The following MESD variants were observed in gnomAD, a reference collection of about 807,000 sequenced individuals.
MESD encodes LRP chaperone MESD.
A neutral mutation model predicts 12.9 loss-of-function variants in MESD; 7 were observed. The observed-to-expected ratio is 0.54, with a 90% CI of 0.31 to 1.02. The LOEUF (loss-of-function observed/expected upper bound fraction) is 1.02. Among genes scored for constraint, MESD ranks in the 50% least tolerant of loss-of-function variants. The pLI, the probability that MESD is intolerant of heterozygous loss-of-function variation, is 0.05. For missense variants in MESD, 342 were observed against 296.7 expected (o/e 1.15, Z -1.12); for synonymous variants, 126 against 115.6 (o/e 1.09, Z -0.58).
chr15:80,979,936 T>G (rs954910645), intron 2 of MESD, among the ~76,000 whole-genome samples: 3 of 152,214 alleles, frequency 2.0e-5, no homozygotes, highest in Admixed American at 6.5e-5. Context: ...GATAAGAGGC[T>G]ATGAAGGACT....
At chr15:80,947,263 G>A, downstream of MESD, 1 of 533,748 alleles carries the variant, frequency 1.9e-6, no homozygotes. Context: ...CCCCTGCACT[G>A]CAGCAAATTT....
intron 3 of MESD, among the ~76,000 whole-genome samples, chr15:80,958,640 T>C (rs1410946406): frequency 2.8e-5 from 4 of 144,206 alleles, no homozygotes; most frequent in African/African-American, 1.2e-4. Context: ...GCCTTAGGCA[T>C]TTTTTTTTCA....
chr15:80,967,751 T>C (rs78138185), intron 3 of MESD, among the ~76,000 whole-genome samples: 8,918 of 152,302 alleles, frequency 0.059, 335 homozygotes, highest in Middle Eastern at 0.18. Context: ...GGGCTTCCAA[T>C]TCATCAGCTT....
chr15:80,959,929 T>A (rs577295298), intron 3 of MESD, among the ~76,000 whole-genome samples: 66 of 152,284 alleles, frequency 4.3e-4, no homozygotes, highest in African/African-American at 1.5e-3. Context: ...ATAGTGTAAA[T>A]TCTCCCATCA....
chr15:80,949,039 C>T (rs1263568925), intron 4 of MESD: 7 of 1,403,246 alleles, frequency 5.0e-6, no homozygotes, highest in Admixed American at 1.7e-5. Context: ...CTGGGAAGGC[C>T]GTGTTTCAGC....
chr15:80,969,803 C>A (rs1902248533), intron 3 of MESD, among the ~76,000 whole-genome samples: 1 of 152,094 alleles, frequency 6.6e-6, no homozygotes, highest in Non-Finnish European at 1.5e-5. Flanking sequence ...TGCAGTGAGC[C>A]GAGATGGCGC....
chr15:80,979,847 A>G (rs1423659194), intron 2 of MESD, among the ~76,000 whole-genome samples: 1 of 152,242 alleles, frequency 6.6e-6, no homozygotes, highest in East Asian at 1.9e-4. Flanking sequence ...TTTATATTCT[A>G]GAGTGTCCAG....
intron 3 of MESD, among the ~76,000 whole-genome samples, chr15:80,969,803 C>T (rs1902248533): frequency 2.0e-5 from 3 of 152,094 alleles, no homozygotes; most frequent in Non-Finnish European, 2.9e-5. Flanking sequence ...TGCAGTGAGC[C>T]GAGATGGCGC....
intron 3 of MESD, among the ~76,000 whole-genome samples, chr15:80,956,035 C>T (rs998503890): frequency 1.3e-5 from 2 of 151,862 alleles, no homozygotes; most frequent in South Asian, 2.1e-4. Context: ...ACAAAAAATA[C>T]AAAAATTACC....
intron 3 of MESD, among the ~76,000 whole-genome samples, chr15:80,967,483 C>G (rs1232209305): frequency 2.0e-5 from 3 of 152,102 alleles, no homozygotes; most frequent in African/African-American, 7.2e-5. Context: ...CCAGGCCTGG[C>G]AGGACTTGCC....
At chr15:80,948,165 G>A (rs141548192) in exon 5 of MESD, 1 of 158,314 alleles carries the variant, frequency 6.3e-6, no homozygotes, top group Non-Finnish European at 1.4e-5. Context: ...TTTCCCGGTG[G>A]TGATAAATGC....
chr15:80,983,090 A>G (rs1442220286), intron 1 of MESD, among the ~76,000 whole-genome samples: 1 of 151,918 alleles, frequency 6.6e-6, no homozygotes, highest in African/African-American at 2.4e-5. Context: ...AAAAAATTTA[A>G]AAATTAGTCA....
downstream of MESD, among the ~76,000 whole-genome samples, chr15:80,972,115 G>A (rs75785447): frequency 0.014 from 2,057 of 152,184 alleles, 46 homozygotes; most frequent in African/African-American, 0.046. Context: ...CATGTGCTTC[G>A]TCTCACTCCC....
chr15:80,986,569 T>C (rs1482484881), intron 1 of MESD, among the ~76,000 whole-genome samples: 5 of 152,254 alleles, frequency 3.3e-5, no homozygotes, highest in Admixed American at 3.3e-4. Flanking sequence ...GTAAAAATAG[T>C]ACCCTAGATG....
chr15:80,979,526 C>T, intron 2 of MESD, 49 bp from the exon 3 acceptor site: 3 of 1,582,438 alleles, frequency 1.9e-6, no homozygotes, highest in East Asian at 2.2e-5. Flanking sequence ...TAGTAAGGTG[C>T]TAAGGGGTCA....
chr15:80,953,635 T>A (rs1254468726), intron 3 of MESD, among the ~76,000 whole-genome samples: 1 of 151,988 alleles, frequency 6.6e-6, no homozygotes, highest in Non-Finnish European at 1.5e-5. Flanking sequence ...TGCATAGGAA[T>A]GAACTAAGTG....
chr15:80,955,422 G>A (rs1160571107), intron 3 of MESD, among the ~76,000 whole-genome samples: 1 of 147,734 alleles, frequency 6.8e-6, no homozygotes, highest in African/African-American at 2.5e-5. Flanking sequence ...CCCAGGAGGC[G>A]GAGCTTGCAG....
intron 3 of MESD, among the ~76,000 whole-genome samples, chr15:80,953,281 A>ACAGC (rs1223716063): frequency 2.0e-5 from 3 of 152,200 alleles, no homozygotes; most frequent in African/African-American, 4.8e-5. Context: ...GAAAGAGAGC[A>ACAGC]CAGCCCACTG....
In MESD at chr15:80,989,632, C is replaced by T; in HGVS notation, c.160G>A (p.Asp54Asn). Residue 54 changes from aspartate (D) to asparagine (N), a missense_variant, in exon 1 of 3, where the codon GAT becomes AAT. Asp to Asn is a conservative substitution (Grantham distance 23). Transcript: ENST00000261758. ...STPPPRKKKK[D>N]IRDYNDADMA... The stretch of plus-strand genomic sequence containing the variant: ...TCTGCATCATTGTAATCGCGAATAT[C>T]CTTCTTCTTCTTCCGGGGAGGTGGG... 6.2e-7 allele frequency: 1 copy of T among 1,614,006 alleles called. No homozygotes were observed. Among genetic ancestry groups the T allele is most frequent in the Non-Finnish European group, 8.5e-7 (1 of 1,180,006 alleles).
Sources: allele counts gnomAD v4.1 joint callset (sites outside exome capture counted in the v4.1 genomes callset), GRCh38; gene constraint gnomAD v4.1.1; transcripts MANE v1.5; gene names NCBI Gene and HGNC (gene_info 2026-07-23, HGNC 2026-07-21).